ZNF799: variants seen among roughly 807,000 people sequenced by gnomAD.
The protein encoded by ZNF799 is zinc finger protein 799.
ZNF799 carries 28 observed loss-of-function variants against 41.0 expected under a neutral mutation model. That is an observed-to-expected ratio of 0.68 (90% CI 0.51 to 0.94). ZNF799 has a LOEUF of 0.94. ZNF799 is among the 40% of genes least tolerant of loss of function. ZNF799 has a pLI of 0.00. For missense variants in ZNF799, 716 were observed against 764.3 expected, an observed-to-expected ratio of 0.94 and a Z score of 0.74; for synonymous variants, 213 against 252.9, an observed-to-expected ratio of 0.84 and a Z score of 1.50.
chr19:12,392,946 C>T (rs1367352341), intron 2 of ZNF799, among the ~76,000 whole-genome samples: 1 of 152,172 alleles, frequency 6.6e-6, no homozygotes, highest in Admixed American at 6.5e-5. Flanking sequence ...TGCACTTCCA[C>T]TTAATGAACA....
the ZNF799 span, among the ~76,000 whole-genome samples, chr19:12,407,355 T>G: frequency 1.3e-5 from 2 of 151,766 alleles, no homozygotes. Flanking sequence ...ACAGGCTACT[T>G]GGAAGGCTAA....
At chr19:12,402,220 T>C (rs897122438), upstream of ZNF799, among the ~76,000 whole-genome samples, 2 of 152,240 alleles carry the variant, frequency 1.3e-5, no homozygotes, top group African/African-American at 4.8e-5. Flanking sequence ...CTTCAGATTG[T>C]TCACTGTTGG....
chr19:12,390,952 C>G lies in ZNF799; in HGVS notation c.1446G>C (p.Gly482=), dbSNP rs1969802299. The change falls in exon 4 of 4, where the codon GGG becomes GGC. Residue 482 remains glycine, a synonymous_variant. Coordinates refer to ENST00000430385, the MANE Select transcript of ZNF799 (RefSeq NM_001080821.3). ...GGTATTGGAAACAACTGAATGCTTT[C>G]CCACATTCCTTACACTCATATGGCT... The part of the protein sequence containing the change: ...GEKPYECKEC[G]KAFSCFQYLS... 1 of 1,613,944 alleles carries G rather than the reference C, an allele frequency of 6.2e-7. No homozygotes were observed. Among genetic ancestry groups the G allele is most frequent in the South Asian group, 1.1e-5 (1 of 91,082 alleles).
chr19:12,406,920 A>T, the ZNF799 span, among the ~76,000 whole-genome samples: 536 of 152,276 alleles, frequency 3.5e-3, 3 homozygotes, highest in African/African-American at 0.012. Flanking sequence ...AAATTAAATT[A>T]AAAAAGTAGA....
rs764814612 is a variant in ZNF799, at chr19:12,391,870, C to T, written c.528G>A (p.Lys176=). The change falls in exon 4 of 4, where the codon AAG becomes AAA. Residue 176 remains lysine, a synonymous_variant. Coordinates refer to ENST00000430385, the MANE Select transcript of ZNF799 (RefSeq NM_001080821.3). ...KKPYNCKECG[K]SFSSLGNLQR... Reference sequence around the variant, plus strand: ...GAAGGTTTCCCAAAGAACTGAAGGACTTCCCACATTCTTTACAATTATATG... The same window carrying T: ...GAAGGTTTCCCAAAGAACTGAAGGATTTCCCACATTCTTTACAATTATATG... The T allele has an allele frequency of 4.3e-6, 7 of 1,614,134 alleles. No homozygotes were observed. The East Asian group carries it at 8.9e-5, about 21-fold the overall frequency.
chr19:12,412,676 C>T, the ZNF799 span, among the ~76,000 whole-genome samples: 1 of 152,092 alleles, frequency 6.6e-6, no homozygotes, highest in African/African-American at 2.4e-5. Flanking sequence ...TCACATTTGG[C>T]TGGCTTCCAA....
chr19:12,406,187 A>G (rs1275363604), upstream of ZNF799, among the ~76,000 whole-genome samples: 1 of 141,000 alleles, frequency 7.1e-6, no homozygotes. Context: ...AAAAAAAAAG[A>G]AAAAAAAAAA....
chr19:12,407,052 T>C, the ZNF799 span, among the ~76,000 whole-genome samples: 2 of 152,082 alleles, frequency 1.3e-5, no homozygotes, highest in South Asian at 2.1e-4. Flanking sequence ...ACAAAACAAC[T>C]AAAATTACCC....
upstream of ZNF799, among the ~76,000 whole-genome samples, chr19:12,403,686 G>C (rs1599611155): frequency 6.6e-6 from 1 of 152,012 alleles, no homozygotes; most frequent in Non-Finnish European, 1.5e-5. Flanking sequence ...CCAGGTAGCT[G>C]AGATTACAGG....
the ZNF799 span, among the ~76,000 whole-genome samples, chr19:12,410,555 T>G: frequency 6.6e-6 from 1 of 152,030 alleles, no homozygotes; most frequent in African/African-American, 2.4e-5. Flanking sequence ...TAAAGTTCCA[T>G]TTTGAGAAAC....
Position 12,401,265 on chromosome 19 carries a change from G to A in ZNF799, c.-195C>T, listed in dbSNP as rs1438419746. ...ACACACTCCTCTGGGAAGCGCGCCTGATTGACAGTTCCCACGAACCCGCCC... is the reference window on the plus strand; with the variant it reads ...ACACACTCCTCTGGGAAGCGCGCCTAATTGACAGTTCCCACGAACCCGCCC... On this transcript the variant is annotated 5_prime_UTR_variant, in exon 1 of 4. Coordinates refer to ENST00000430385, the MANE Select transcript of ZNF799 (RefSeq NM_001080821.3). The A allele has an allele frequency of 8.0e-6, 11 of 1,379,816 alleles. No individual in the cohort carries two copies. Among genetic ancestry groups the A allele is most frequent in the African/African-American group, 2.9e-5 (2 of 68,558 alleles). 85.5% of individuals were successfully genotyped at this position (1,379,816 alleles called of 1,614,324 possible).
At chr19:12,411,296 G>A in the ZNF799 span, among the ~76,000 whole-genome samples, 2 of 152,130 alleles carry the variant, frequency 1.3e-5, no homozygotes, top group African/African-American at 4.8e-5. Flanking sequence ...CACACATCAA[G>A]GCTTTGAAGT....
At chr19:12,413,984 G>A in the ZNF799 span, among the ~76,000 whole-genome samples, 5 of 152,318 alleles carry the variant, frequency 3.3e-5, no homozygotes, top group African/African-American at 9.6e-5. Context: ...ACGGTGTCCC[G>A]GGGTCTTCTC....
At chr19:12,408,356 T>C in the ZNF799 span, among the ~76,000 whole-genome samples, 1 of 152,014 alleles carries the variant, frequency 6.6e-6, no homozygotes, top group Non-Finnish European at 1.5e-5. Flanking sequence ...AAAAAAGAAG[T>C]TGAAAAAACA....
At chr19:12,411,693 A>C in the ZNF799 span, among the ~76,000 whole-genome samples, 2 of 151,738 alleles carry the variant, frequency 1.3e-5, no homozygotes, top group East Asian at 3.9e-4. Context: ...GCTCACTGCA[A>C]CCTCCACCTC....
the ZNF799 span, among the ~76,000 whole-genome samples, chr19:12,414,196 G>A: frequency 6.6e-6 from 1 of 152,104 alleles, no homozygotes; most frequent in Non-Finnish European, 1.5e-5. Context: ...ATTGAGTAGT[G>A]TACCATGTCC....
upstream of ZNF799, among the ~76,000 whole-genome samples, chr19:12,404,012 G>T (rs976331397): frequency 3.3e-5 from 5 of 152,114 alleles, no homozygotes; most frequent in African/African-American, 1.2e-4. Flanking sequence ...CTGACCAATT[G>T]GTCATTCAGA....
At chr19:12,400,897 C>T in intron 1 of ZNF799, 171 bp downstream of exon 1, 8 of 1,222,390 alleles carry the variant, frequency 6.5e-6, no homozygotes, top group Non-Finnish European at 9.3e-6. Flanking sequence ...CCCGGGGTCC[C>T]GGCTGCATGC....
chr19:12,403,750 C>A (rs1371709283), upstream of ZNF799, among the ~76,000 whole-genome samples: 2 of 152,106 alleles, frequency 1.3e-5, no homozygotes, highest in Non-Finnish European at 2.9e-5. Flanking sequence ...CAGGGTTCCA[C>A]CATGTTGGCC....
Sources: allele counts gnomAD v4.1 joint callset (sites outside exome capture counted in the v4.1 genomes callset), GRCh38; gene constraint gnomAD v4.1.1; transcripts MANE v1.5; gene names NCBI Gene and HGNC (gene_info 2026-07-23, HGNC 2026-07-21).